The following MIPEP variants were observed in gnomAD, a reference collection of about 807,000 sequenced individuals.
The protein encoded by MIPEP is mitochondrial intermediate peptidase.
A neutral mutation model predicts 90.3 loss-of-function variants in MIPEP; 79 were observed. The observed-to-expected ratio is 0.87, with a 90% CI of 0.73 to 1.05. MIPEP has a LOEUF of 1.05. Ranked by LOEUF, MIPEP falls within the 50% of genes least tolerant of loss-of-function variation. MIPEP has a pLI of 0.00. For synonymous variants in MIPEP, 334 were observed against 315.8 expected (o/e 1.06, Z -0.61); for missense variants, 940 against 905.6 (o/e 1.04, Z -0.49).
intron 18 of MIPEP, among the ~76,000 whole-genome samples, chr13:23,755,735 CAAAT>C (rs1417965753): frequency 2.0e-5 from 3 of 151,596 alleles, no homozygotes; most frequent in African/African-American, 7.3e-5. Flanking sequence ...TAAAAATACT[CAAAT>C]AAAAAATTAC....
intron 7 of MIPEP, among the ~76,000 whole-genome samples, chr13:23,868,626 G>A (rs1174001439): frequency 6.6e-6 from 1 of 152,066 alleles, no homozygotes; most frequent in East Asian, 1.9e-4. Context: ...CCAAGACCTT[G>A]AGTCTCACGC....
At chr13:23,810,035 T>G in intron 14 of MIPEP, 111 bp from the exon 15 acceptor site, 11 of 545,566 alleles carry the variant, frequency 2.0e-5, no homozygotes, top group Non-Finnish European at 2.3e-5. Flanking sequence ...AGTAATAGAA[T>G]TTCATTATAG....
At chr13:23,834,337 T>C (rs925445291) in intron 14 of MIPEP, among the ~76,000 whole-genome samples, 41 of 152,318 alleles carry the variant, frequency 2.7e-4, no homozygotes, top group Non-Finnish European at 4.4e-5. Context: ...TTTTTCCCTG[T>C]GTAACTTCTC....
intron 16 of MIPEP, among the ~76,000 whole-genome samples, chr13:23,769,336 A>C (rs543634285): frequency 8.5e-5 from 13 of 152,326 alleles, no homozygotes; most frequent in African/African-American, 3.1e-4. Context: ...TTTTGTTTTC[A>C]TGATAATCAT....
chr13:23,839,874 T>C, intron 11 of MIPEP, 148 bp from the exon 12 acceptor site: 1 of 557,962 alleles, frequency 1.8e-6, no homozygotes, highest in Non-Finnish European at 3.1e-6. Context: ...CGAGATAGAT[T>C]CTCTTTTCCC....
At chr13:23,888,609 CAAGA>C in intron 1 of MIPEP, 1 of 744,752 alleles carries the variant, frequency 1.3e-6, no homozygotes, top group Non-Finnish European at 1.6e-6. Context: ...TGTTTTAAAA[CAAGA>C]AAGCCCAAAG....
intron 16 of MIPEP, among the ~76,000 whole-genome samples, chr13:23,777,430 G>T (rs867789511): frequency 5.3e-5 from 8 of 152,228 alleles, no homozygotes; most frequent in Middle Eastern, 3.4e-3. Context: ...GAAAATAAAA[G>T]ACAGTGAATT....
chr13:23,883,831 T>C (rs1219627903), intron 2 of MIPEP, among the ~76,000 whole-genome samples: 5 of 152,152 alleles, frequency 3.3e-5, no homozygotes, highest in Non-Finnish European at 5.9e-5. Context: ...CTTTTGGCAG[T>C]GCGTTTCCAC....
At chr13:23,831,356 G>A (rs530405694) in intron 14 of MIPEP, among the ~76,000 whole-genome samples, 10 of 120,294 alleles carry the variant, frequency 8.3e-5, no homozygotes, top group Admixed American at 1.7e-4. Flanking sequence ...TGATCTGGGC[G>A]TCGGGGACAG....
At chr13:23,773,427 A>C (rs1952675396) in intron 16 of MIPEP, among the ~76,000 whole-genome samples, 1 of 152,086 alleles carries the variant, frequency 6.6e-6, no homozygotes, top group Admixed American at 6.5e-5. Context: ...TTGTGCATAC[A>C]TTTTTGGGTG....
At chr13:23,780,922 T>C (rs1357236685) in intron 16 of MIPEP, among the ~76,000 whole-genome samples, 2 of 151,860 alleles carry the variant, frequency 1.3e-5, no homozygotes, top group African/African-American at 4.8e-5. Flanking sequence ...TAAAAAGAAA[T>C]GAACAAAGCC....
chr13:23,831,383 C>CGGGGGGAGGGGGGGGGGGGGGG (rs1555237541), intron 14 of MIPEP, among the ~76,000 whole-genome samples: 2 of 40,854 alleles, frequency 4.9e-5, no homozygotes, highest in African/African-American at 1.7e-4. Context: ...TTCCCCATGG[C>CGGGGGGAGGGGGGGGGGGGGGG]GGGGGGGGGA....
chr13:23,813,769 A>G (rs151256058), intron 14 of MIPEP, among the ~76,000 whole-genome samples: 27 of 152,282 alleles, frequency 1.8e-4, no homozygotes, highest in Middle Eastern at 3.4e-3. Flanking sequence ...CCAGCCCCCA[A>G]ATAATTTCAA....
intron 16 of MIPEP, among the ~76,000 whole-genome samples, chr13:23,800,982 T>C (rs1449214123): frequency 2.6e-5 from 4 of 152,250 alleles, no homozygotes; most frequent in African/African-American, 9.6e-5. Flanking sequence ...ATTGCTAATA[T>C]AGACATATGC....
At chr13:23,790,448 C>T (rs1952886997) in intron 16 of MIPEP, among the ~76,000 whole-genome samples, 1 of 152,238 alleles carries the variant, frequency 6.6e-6, no homozygotes, top group African/African-American at 2.4e-5. Flanking sequence ...CTGTGAATGT[C>T]ACCTTATTTG....
rs776959438 is a variant in MIPEP, at chr13:23,869,411, T to C, written c.824A>G (p.Asn275Ser). 3.4e-5 allele frequency: 54 copies of C among 1,606,630 alleles called. No homozygotes were observed. In the Admixed American group the frequency reaches 4.3e-4, roughly 13 times the overall value. ...EAAYKIFLYP[N>S]AGQLKCLEEL... ...TTCTAAACATTTCAATTGACCAGCA[T>C]TGGGATAAAGAAAAATTTTATAAGC... The change falls in exon 7 of 19, where the codon AAT becomes AGT. Residue 275 changes from asparagine to serine, a missense_variant. Transcript: ENST00000382172.
chr13:23,748,957 A>G (rs921515222), intron 18 of MIPEP, among the ~76,000 whole-genome samples: 2 of 152,228 alleles, frequency 1.3e-5, no homozygotes, highest in African/African-American at 4.8e-5. Flanking sequence ...AGGAATAACC[A>G]TCCAGAGGTA....
At chr13:23,866,329 A>C (rs1420659905) in intron 7 of MIPEP, among the ~76,000 whole-genome samples, 1 of 152,154 alleles carries the variant, frequency 6.6e-6, no homozygotes, top group East Asian at 1.9e-4. Context: ...CTAAGCTTTA[A>C]ATCCTCAAGG....
chr13:23,875,883 G>T (rs1404831855), intron 4 of MIPEP, among the ~76,000 whole-genome samples: 1 of 151,846 alleles, frequency 6.6e-6, no homozygotes, highest in Admixed American at 6.6e-5. Context: ...ATATACTTTT[G>T]TATCTTGCTC....
Sources: allele counts gnomAD v4.1 joint callset (sites outside exome capture counted in the v4.1 genomes callset), GRCh38; gene constraint gnomAD v4.1.1; transcripts MANE v1.5; gene names NCBI Gene and HGNC (gene_info 2026-07-23, HGNC 2026-07-21).